RIF1: variants seen among roughly 807,000 people sequenced by gnomAD.
RIF1 encodes the protein telomere-associated protein RIF1.
A neutral mutation model predicts 247.1 loss-of-function variants in RIF1; 45 were observed. That is an observed-to-expected ratio of 0.18 (90% CI 0.14 to 0.23). RIF1 has a LOEUF of 0.23. Ranked by LOEUF, RIF1 falls within the 10% of genes least tolerant of loss-of-function variation. The probability of loss-of-function intolerance (pLI) is 1.00; values close to 1 mark genes in which losing one functional copy is unlikely to be tolerated. For missense variants in RIF1, 2,967 were observed against 2,862.5 expected (o/e 1.04, Z -0.83); for synonymous variants, 1,087 against 978.8 (o/e 1.11, Z -2.06).
chr2:151,510,163 T>C (rs2072984099), downstream of RIF1, among the ~76,000 whole-genome samples: 1 of 152,194 alleles, frequency 6.6e-6, no homozygotes, highest in Admixed American at 6.5e-5. Flanking sequence ...ATTACTCGTA[T>C]GTTGTCTCCT....
chr2:151,437,197 A>G (rs1357298069), intron 12 of RIF1, 44 bp from the exon 13 acceptor site: 2 of 1,456,368 alleles, frequency 1.4e-6, no homozygotes, highest in South Asian at 1.2e-5. Flanking sequence ...TGTATTTCAT[A>G]AATCTGTTGT....
chr2:151,520,893 G>A, the RIF1 span, among the ~76,000 whole-genome samples: 1 of 152,144 alleles, frequency 6.6e-6, no homozygotes, highest in Non-Finnish European at 1.5e-5. Flanking sequence ...TTATTTATAG[G>A]AGAATTCAAC....
At chr2:151,497,888 C>G in intron 10 of RIF1, 1 of 1,494,112 alleles carries the variant, frequency 6.7e-7, no homozygotes, top group Admixed American at 2.7e-5. Context: ...GGAATCTGCA[C>G]CCTCTAGAGA....
In RIF1 at chr2:151,426,168, A is replaced by ATTTTTTTTTTTTTTTTTTTTT. The variant is rs35001554; in HGVS notation, c.787-2612_787-2592dup. ...TTTTTCAGGATTGTTTTGGCTTTTA[A>ATTTTTTTTTTTTTTTTTTTTT]TTTTTTTTTTTTTTTTTTTTTTTTG... On this transcript the variant is annotated intron_variant, in intron 8 of 35. Transcript: ENST00000444746. Among the ~76,000 whole-genome samples, 12 of 58,212 alleles carry ATTTTTTTTTTTTTTTTTTTTT rather than the reference A, an allele frequency of 2.1e-4. 1 individual carries two copies. The highest frequency in any genetic ancestry group is 5.5e-4 in the African/African-American group (8 of 14,440). 38.2% of individuals were successfully genotyped at this position (58,212 alleles called of 152,430 possible). A position where few individuals can be genotyped will look rare whatever the true frequency, so the allele number is the denominator to read the frequency against.
the RIF1 span, among the ~76,000 whole-genome samples, chr2:151,524,065 A>G: frequency 1.3e-5 from 2 of 152,190 alleles, no homozygotes; most frequent in Non-Finnish European, 2.9e-5. Context: ...TCACATAAAG[A>G]TAGTTAAGCA....
intron 9 of RIF1, among the ~76,000 whole-genome samples, chr2:151,489,630 C>G (rs2054426657): frequency 6.6e-6 from 1 of 152,144 alleles, no homozygotes; most frequent in African/African-American, 2.4e-5. Flanking sequence ...CTCCTGAGCT[C>G]AAGCAATCCT....
the RIF1 span, chr2:151,533,468 G>C: frequency 1.9e-6 from 3 of 1,551,214 alleles, no homozygotes; most frequent in African/African-American, 1.4e-5. Context: ...GAATTGTAGA[G>C]AGCAGTCAAC....
chr2:151,464,691 G>C lies in RIF1; in HGVS notation c.5171G>C (p.Arg1724Thr). Residue 1724 changes from arginine to threonine, a missense_variant, in exon 30 of 36, where the codon AGG becomes ACG. Transcript: ENST00000444746. ...QTLECQHKRS[R>T]RVRRSKGCDC... ...CTTGAATGCCAACACAAGAGAAGTA[G>C]GAGGGTGAGGAGATCTAAAGGTTGT... 6.2e-7 allele frequency: 1 copy of C among 1,612,430 alleles called. No individual in the cohort carries two copies. Among genetic ancestry groups the C allele is most frequent in the Non-Finnish European group, 8.5e-7 (1 of 1,179,200 alleles).
chr2:151,412,984 A>G (rs1210218578), intron 3 of RIF1, among the ~76,000 whole-genome samples: 4 of 152,022 alleles, frequency 2.6e-5, no homozygotes, highest in African/African-American at 7.2e-5. Flanking sequence ...TATTATAATA[A>G]TTAGATGTGA....
downstream of RIF1, among the ~76,000 whole-genome samples, chr2:151,509,747 G>T (rs978616720): frequency 6.6e-6 from 1 of 152,042 alleles, no homozygotes; most frequent in Non-Finnish European, 1.5e-5. Flanking sequence ...CCTGCCTCAG[G>T]CTTCCGAGTA....
the RIF1 span, chr2:151,531,694 G>A: frequency 1.1e-6 from 1 of 874,294 alleles, no homozygotes; most frequent in African/African-American, 1.7e-5. Context: ...CCACTAAATG[G>A]CAGTAGTCTC....
intron 35 of RIF1, among the ~76,000 whole-genome samples, chr2:151,474,313 T>C (rs1309145396): frequency 6.6e-6 from 1 of 152,238 alleles, no homozygotes; most frequent in Non-Finnish European, 1.5e-5. Flanking sequence ...GTTATATTAA[T>C]AAATGAAGTA....
At chr2:151,435,807 A>T (rs1435878068) in intron 11 of RIF1, among the ~76,000 whole-genome samples, 1 of 150,214 alleles carries the variant, frequency 6.7e-6, no homozygotes, top group Non-Finnish European at 1.5e-5. Flanking sequence ...TTGTAAGCGC[A>T]TTGTTGTGGT....
At chr2:151,457,727 A>G (rs1407906637) in intron 23 of RIF1, 34 bp from the exon 24 acceptor site, 3 of 1,463,998 alleles carry the variant, frequency 2.0e-6, no homozygotes, top group East Asian at 2.3e-5. Flanking sequence ...AATATTTAGT[A>G]TATGTTTTGC....
chr2:151,446,445 T>G lies in RIF1; in HGVS notation c.2114T>G (p.Leu705Arg), dbSNP rs1200411234. 4 of 1,614,020 alleles carry G rather than the reference T, an allele frequency of 2.5e-6. No homozygotes were observed. Among genetic ancestry groups the G allele is most frequent in the Admixed American group, 3.3e-5 (2 of 59,998 alleles). Residue 705 changes from leucine to arginine, a missense_variant, in exon 20 of 36, where the codon CTT (leucine) becomes CGT (arginine). Physicochemically the swap from Leu to Arg is moderately radical, Grantham distance 102. Around this residue, in one of 7 missense-constraint regions of RIF1, gnomAD observed 76 missense variants for 113.3 expected, o/e 0.67. Transcript: ENST00000444746. ...RFPVATMKTL[L>R]RTWSELYRAF... ...TGGTAGGCCACCATGAAGACTTTGC[T>G]TAGAACTTGGTCAGAATTATATAGA...
chr2:151,492,470 T>G, intron 9 of RIF1: 2 of 1,613,512 alleles, frequency 1.2e-6, no homozygotes, highest in Non-Finnish European at 1.7e-6. Flanking sequence ...TGTATTTGTT[T>G]CCGGAAACTA....
chr2:151,449,257 CA>C (rs1200352285), intron 20 of RIF1, among the ~76,000 whole-genome samples: 2 of 152,052 alleles, frequency 1.3e-5, no homozygotes, highest in Non-Finnish European at 2.9e-5. Flanking sequence ...TTTAAATTAT[CA>C]TAGGATTAAT....
intron 2 of RIF1, 56 bp downstream of exon 2, chr2:151,410,583 G>T: frequency 7.1e-7 from 1 of 1,406,632 alleles, no homozygotes; most frequent in South Asian, 1.2e-5. Context: ...TGGGGAGAAA[G>T]AAGGTGGTTG....
rs889842544 is a variant in RIF1, at chr2:151,480,288, A to T, written c.*5217A>T. ...TAGCAGAGGGAATATTTTTGGCCAC[A>T]GTGTGCCAATTTATAATTGTAGATA... On this transcript the variant is annotated 3_prime_UTR_variant, in exon 36 of 36. Transcript: ENST00000444746. 6.6e-6 allele frequency: 1 copy of T among 152,224 alleles called. No homozygotes were observed. The highest frequency in any genetic ancestry group is 1.5e-5 in the Non-Finnish European group (1 of 68,022). 9.4% of individuals were successfully genotyped at this position (152,224 alleles called of 1,614,324 possible).
Sources: gnomAD v4.1 joint callset for allele counts (sites outside exome capture counted in the v4.1 genomes callset) on GRCh38, gnomAD v4.1.1 for gene constraint, gnomAD v4.1.1 regional missense constraint, MANE v1.5 for transcripts, NCBI Gene and HGNC (gene_info 2026-07-23, HGNC 2026-07-21) for gene names.